Variants in ALK observed in about 807,000 individuals in gnomAD.
The protein encoded by ALK is ALK receptor tyrosine kinase.
Under a neutral mutation model 163.1 loss-of-function variants are expected in ALK, and 74 were observed. The ratio of observed to expected loss-of-function variants is 0.45; its 90% confidence interval spans 0.38 to 0.55. The LOEUF is 0.55. ALK is among the 20% of genes least tolerant of loss of function. The probability of loss-of-function intolerance (pLI) is 0.00; values close to 1 mark genes in which losing one functional copy is unlikely to be tolerated. For synonymous variants in ALK, 960 were observed against 843.2 expected (o/e 1.14, Z -2.40); for missense variants, 2,063 against 2,105.3 (o/e 0.98, Z 0.39).
intron 3 of ALK, among the ~76,000 whole-genome samples, chr2:29,641,226 T>A (rs910769260): frequency 1.3e-5 from 2 of 151,980 alleles, no homozygotes; most frequent in African/African-American, 4.8e-5. Context: ...TGATGATCAC[T>A]AGCTGCTGTG....
intron 3 of ALK, among the ~76,000 whole-genome samples, chr2:29,647,359 A>G (rs1378885603): frequency 1.3e-5 from 2 of 152,226 alleles, no homozygotes; most frequent in Non-Finnish European, 2.9e-5. Flanking sequence ...TTCTCCCTGC[A>G]TACTGTCCTG....
chr2:29,428,904 C>T (rs770009640), intron 4 of ALK, among the ~76,000 whole-genome samples: 2 of 151,920 alleles, frequency 1.3e-5, no homozygotes, highest in Non-Finnish European at 2.9e-5. Flanking sequence ...TATAAAAAGA[C>T]TTGTACTCCA....
chr2:29,837,005 T>G (rs930946407), intron 1 of ALK, among the ~76,000 whole-genome samples: 1 of 152,194 alleles, frequency 6.6e-6, no homozygotes, highest in Non-Finnish European at 1.5e-5. Context: ...CAGCAGGCAG[T>G]AAAGGACTGT....
chr2:29,569,474 T>C (rs981618105), intron 3 of ALK, among the ~76,000 whole-genome samples: 6 of 152,180 alleles, frequency 3.9e-5, no homozygotes, highest in Non-Finnish European at 7.3e-5. Flanking sequence ...ATGTACCTTG[T>C]AGGTGGGTAA....
chr2:29,314,437 G>T (rs912752796), intron 8 of ALK, among the ~76,000 whole-genome samples: 1 of 152,098 alleles, frequency 6.6e-6, no homozygotes, highest in Non-Finnish European at 1.5e-5. Flanking sequence ...GGGTGGAAAG[G>T]TTCGGCTGTG....
intron 1 of ALK, among the ~76,000 whole-genome samples, chr2:29,843,496 T>G (rs751479479): frequency 3.3e-5 from 5 of 151,950 alleles, no homozygotes; most frequent in Non-Finnish European, 5.9e-5. Context: ...AGGACAGAAA[T>G]GTAAATGTGA....
chr2:29,542,099 C>T (rs550243910), intron 3 of ALK, among the ~76,000 whole-genome samples: 2 of 152,274 alleles, frequency 1.3e-5, no homozygotes, highest in East Asian at 1.9e-4. Context: ...AATTGGTGTG[C>T]TTTTTCTCCA....
chr2:29,790,744 C>T (rs1202427299), intron 1 of ALK, among the ~76,000 whole-genome samples: 3 of 152,260 alleles, frequency 2.0e-5, no homozygotes, highest in South Asian at 2.1e-4. Context: ...CCACTACACC[C>T]GGCTAATTTT....
chr2:29,440,178 G>A (rs1195612226), intron 4 of ALK, among the ~76,000 whole-genome samples: 2 of 151,976 alleles, frequency 1.3e-5, no homozygotes, highest in Non-Finnish European at 2.9e-5. Flanking sequence ...AGGTTGCAGT[G>A]AGCCGAGATC....
chr2:29,470,955 T>C (rs1671333659), intron 4 of ALK, among the ~76,000 whole-genome samples: 1 of 152,150 alleles, frequency 6.6e-6, no homozygotes, highest in Non-Finnish European at 1.5e-5. Context: ...GTTTAAGTAA[T>C]CAGGTTCTTG....
intron 3 of ALK, among the ~76,000 whole-genome samples, chr2:29,551,414 AG>A (rs1348480605): frequency 6.6e-6 from 1 of 152,164 alleles, no homozygotes; most frequent in African/African-American, 2.4e-5. Context: ...ATATATATTT[AG>A]GATATAATTT....
At chr2:29,569,457 T>C (rs1335183563) in intron 3 of ALK, among the ~76,000 whole-genome samples, 2 of 152,172 alleles carry the variant, frequency 1.3e-5, no homozygotes, top group Non-Finnish European at 2.9e-5. Flanking sequence ...ATGGGTTGGA[T>C]ACTTACATGT....
At chr2:29,719,439 G>A (rs781055140) in intron 1 of ALK, among the ~76,000 whole-genome samples, 7 of 152,202 alleles carry the variant, frequency 4.6e-5, no homozygotes, top group East Asian at 1.9e-4. Flanking sequence ...ACTCTGTTTC[G>A]TAGATAGGCA....
rs2148178322 is a variant in ALK, at chr2:29,226,940, C to T, written c.3049G>A (p.Asp1017Asn). 1 of 1,614,248 alleles carries T rather than the reference C, an allele frequency of 6.2e-7. No homozygotes were observed. Among genetic ancestry groups the T allele is most frequent in the Non-Finnish European group, 8.5e-7 (1 of 1,180,048 alleles). Residue 1017 changes from aspartate to asparagine, a missense_variant, in exon 18 of 29, where the codon GAT becomes AAT. Coordinates refer to ENST00000389048, the MANE Select transcript of ALK (RefSeq NM_004304.5). ...FCDHGTVLAE[D>N]GVSCIVSPTP... ...CCCTTACCAATGCAGGAGACGCCAT[C>T]CTCAGCCAGCACCGTCCCGTGGTCA...
Position 29,227,643 on chromosome 2 carries a change from C to T in ALK, c.2845G>A (p.Glu949Lys), listed in dbSNP as rs774004991. The change falls in exon 17 of 29, where the codon GAA (glutamate) becomes AAA (lysine). Residue 949 changes from glutamate to lysine, a missense_variant. Physicochemically the swap from Glu to Lys is moderately conservative, Grantham distance 56 (BLOSUM62 1). Transcript: ENST00000389048. This position sits in a 1 kb window ranked among gnomAD's most constrained non-coding sequence, Gnocchi z 4.4. ...GGNAASNNDP[E>K]MDGEDGVSFI... ...GAAACCCCATCTTCCCCATCCATTTCGGGGTCATTGTTTGAGGCTGCATTG... is the reference window on the plus strand; with the variant it reads ...GAAACCCCATCTTCCCCATCCATTTTGGGGTCATTGTTTGAGGCTGCATTG... 34 of 1,614,034 alleles carry T rather than the reference C, an allele frequency of 2.1e-5. No homozygotes were observed. Among genetic ancestry groups the T allele is most frequent in the East Asian group, 1.6e-4 (7 of 44,880 alleles).
intron 1 of ALK, among the ~76,000 whole-genome samples, chr2:29,837,413 T>C (rs1665590364): frequency 6.6e-6 from 1 of 152,216 alleles, no homozygotes; most frequent in Non-Finnish European, 1.5e-5. Flanking sequence ...CTTGAGTCTT[T>C]GGCTGAATAC....
At chr2:29,316,973 G>T (rs1221526820) in intron 8 of ALK, among the ~76,000 whole-genome samples, 2 of 152,166 alleles carry the variant, frequency 1.3e-5, no homozygotes, top group African/African-American at 4.8e-5. Flanking sequence ...GCCAAGTGGA[G>T]CCTTGGTTTT....
intron 1 of ALK, among the ~76,000 whole-genome samples, chr2:29,889,576 G>A (rs1459564814): frequency 6.6e-6 from 1 of 152,050 alleles, no homozygotes; most frequent in Non-Finnish European, 1.5e-5. Flanking sequence ...TGACAGCCGA[G>A]AGAAAGTGAC....
At chr2:29,263,259 G>A (rs926679176) in intron 11 of ALK, among the ~76,000 whole-genome samples, 19 of 152,138 alleles carry the variant, frequency 1.2e-4, no homozygotes, top group African/African-American at 4.1e-4. Context: ...TAGGACTTGC[G>A]GCCTCCTGTT....
Sources: allele counts gnomAD v4.1 joint callset (sites outside exome capture counted in the v4.1 genomes callset), GRCh38; gene constraint gnomAD v4.1.1; non-coding constraint Gnocchi (gnomAD v3.1); transcripts MANE v1.5; gene names NCBI Gene and HGNC (gene_info 2026-07-23, HGNC 2026-07-21).